ZDHHC14: variants seen among roughly 807,000 people sequenced by gnomAD.
ZDHHC14 encodes the protein zDHHC palmitoyltransferase 14, also known as palmitoyltransferase ZDHHC14.
In ZDHHC14, 16 loss-of-function variants were observed where a neutral mutation model predicts 47.7. That is an observed-to-expected ratio of 0.34 (90% CI 0.23 to 0.51). The LOEUF (loss-of-function observed/expected upper bound fraction) is 0.51. Among genes scored for constraint, ZDHHC14 ranks in the 20% least tolerant of loss-of-function variants. ZDHHC14 has a pLI of 0.97. For missense variants in ZDHHC14, 515 were observed against 662.5 expected (o/e 0.78, Z 2.44); for synonymous variants, 293 against 278.9 (o/e 1.05, Z -0.50).
intron 1 of ZDHHC14, among the ~76,000 whole-genome samples, chr6:157,488,111 C>T (rs1180618619): frequency 1.3e-5 from 2 of 152,220 alleles, no homozygotes; most frequent in African/African-American, 4.8e-5. Flanking sequence ...CGCAACCCCA[C>T]CCACATTCCG....
chr6:157,466,968 T>C (rs959680200), intron 1 of ZDHHC14, among the ~76,000 whole-genome samples: 5 of 152,256 alleles, frequency 3.3e-5, no homozygotes, highest in Non-Finnish European at 7.3e-5. Context: ...ATGGCGAGGC[T>C]CATTCTCCAG....
intron 1 of ZDHHC14, among the ~76,000 whole-genome samples, chr6:157,452,907 G>T (rs868415523): frequency 6.6e-6 from 1 of 151,946 alleles, no homozygotes; most frequent in South Asian, 2.1e-4. Context: ...GTTTCACCGT[G>T]TTGGTCAGGC....
intron 1 of ZDHHC14, among the ~76,000 whole-genome samples, chr6:157,453,365 A>G (rs1778845402): frequency 6.6e-6 from 1 of 152,236 alleles, no homozygotes; most frequent in African/African-American, 2.4e-5. Flanking sequence ...GATACTGCAC[A>G]ATAAGGCTTT....
intron 1 of ZDHHC14, among the ~76,000 whole-genome samples, chr6:157,483,620 C>T (rs1779685583): frequency 1.3e-5 from 2 of 152,132 alleles, no homozygotes; most frequent in South Asian, 2.1e-4. Context: ...CAGCTAATTC[C>T]TAGAGTCCCT....
At chr6:157,461,391 C>T (rs1246137968) in intron 1 of ZDHHC14, among the ~76,000 whole-genome samples, 3 of 152,190 alleles carry the variant, frequency 2.0e-5, no homozygotes, top group Non-Finnish European at 4.4e-5. Flanking sequence ...TTTAAAAGGA[C>T]ATCAGGATAC....
intron 2 of ZDHHC14, among the ~76,000 whole-genome samples, chr6:157,546,872 T>A (rs367965512): frequency 1.3e-5 from 2 of 152,218 alleles, no homozygotes; most frequent in East Asian, 3.8e-4. Context: ...TCCACCGTCC[T>A]GACCCGATGC....
At chr6:157,638,200 C>G (rs1206268292) in intron 5 of ZDHHC14, among the ~76,000 whole-genome samples, 6 of 152,210 alleles carry the variant, frequency 3.9e-5, no homozygotes, top group South Asian at 2.1e-4. Flanking sequence ...ACCATCAGCC[C>G]TCCCAGGGGT....
chr6:157,646,612 CAAAAA>C (rs5881225), intron 6 of ZDHHC14, among the ~76,000 whole-genome samples: 8 of 121,496 alleles, frequency 6.6e-5, no homozygotes, highest in African/African-American at 9.2e-5. Context: ...CACTCCATCT[CAAAAA>C]AAAAAAAAAA....
chr6:157,471,914 A>G (rs1779363861), intron 1 of ZDHHC14, among the ~76,000 whole-genome samples: 2 of 152,188 alleles, frequency 1.3e-5, no homozygotes, highest in Admixed American at 1.3e-4. Context: ...TGCTCAGGAC[A>G]GTGCCTGGCA....
intron 3 of ZDHHC14, among the ~76,000 whole-genome samples, chr6:157,604,016 A>G (rs950391502): frequency 1.3e-5 from 2 of 152,192 alleles, no homozygotes; most frequent in African/African-American, 4.8e-5. Flanking sequence ...ACTAAGAGAA[A>G]AAATTATGTC....
rs147344728 is a variant in ZDHHC14, at chr6:157,616,413, C to T, written c.566-11936C>T. The stretch of plus-strand genomic sequence containing the variant: ...CTTGATGACCAGAGCTTGGGACCTG[C>T]GGAAGGGGAGGGCCCGTGGGACAAT... On this transcript the variant is annotated intron_variant, in intron 3 of 8. Coordinates refer to ENST00000359775, the MANE Select transcript of ZDHHC14 (RefSeq NM_024630.3). 8.9e-3 allele frequency among the ~76,000 whole-genome samples: 1,361 copies of T among 152,252 alleles called. 28 individuals carry two copies. The highest frequency in any genetic ancestry group is 0.031 in the African/African-American group (1,287 of 41,544).
intron 2 of ZDHHC14, among the ~76,000 whole-genome samples, chr6:157,548,942 C>T (rs1013250840): frequency 6.6e-6 from 1 of 152,236 alleles, no homozygotes; most frequent in African/African-American, 2.4e-5. Context: ...GATGAAGCGT[C>T]TCTCCCCGTG....
In ZDHHC14 at chr6:157,389,315, T is replaced by C. The variant is rs569631098; in HGVS notation, c.245+7049T>C. ...TTCCTCAATCTTGCGATTAATAGTT[T>C]CCCCCTCAGACCATTGAAGAGTAAG... On this transcript the variant is annotated intron_variant, in intron 1 of 8. Transcript: ENST00000359775. Among the ~76,000 whole-genome samples, 12 of 152,278 alleles carry C rather than the reference T, an allele frequency of 7.9e-5. No homozygotes were observed. In the South Asian group the frequency reaches 1.4e-3, roughly 18 times the overall value.
At chr6:157,554,036 G>T (rs551325062) in intron 2 of ZDHHC14, among the ~76,000 whole-genome samples, 1 of 152,328 alleles carries the variant, frequency 6.6e-6, no homozygotes, top group East Asian at 1.9e-4. Context: ...GACATAGATA[G>T]ACAGAAGCGA....
At chr6:157,639,834 C>T (rs892235092) in intron 5 of ZDHHC14, among the ~76,000 whole-genome samples, 1 of 152,066 alleles carries the variant, frequency 6.6e-6, no homozygotes, top group Admixed American at 6.5e-5. Flanking sequence ...TTTGGGGAGC[C>T]GTGGTGAGTT....
chr6:157,662,988 G>A (rs1483439376), intron 8 of ZDHHC14, among the ~76,000 whole-genome samples: 4 of 152,232 alleles, frequency 2.6e-5, no homozygotes, highest in African/African-American at 4.8e-5. Flanking sequence ...GAAATGATTT[G>A]TAGGTTGGGT....
chr6:157,470,641 G>T lies in ZDHHC14; in HGVS notation c.246-71944G>T, dbSNP rs543731184. On this transcript the variant is annotated intron_variant, in intron 1 of 8. Coordinates refer to ENST00000359775, the MANE Select transcript of ZDHHC14 (RefSeq NM_024630.3). Reference sequence around the variant, plus strand: ...AATGTTCTGCAATGTTATTTATATAGTTTTAAACACTGTTATTTTACAGAT... The same window carrying T: ...AATGTTCTGCAATGTTATTTATATATTTTTAAACACTGTTATTTTACAGAT... 9.3e-4 allele frequency among the ~76,000 whole-genome samples: 141 copies of T among 152,292 alleles called. 1 individual carries two copies. The highest frequency in any genetic ancestry group is 3.0e-3 in the African/African-American group (125 of 41,564).
chr6:157,497,379 A>G (rs551109031), intron 1 of ZDHHC14, among the ~76,000 whole-genome samples: 5 of 152,354 alleles, frequency 3.3e-5, no homozygotes, highest in Admixed American at 1.3e-4. Context: ...TTCATGGATT[A>G]GGATTAAAAG....
At chr6:157,489,271 T>C (rs796890479) in intron 1 of ZDHHC14, among the ~76,000 whole-genome samples, 12 of 152,354 alleles carry the variant, frequency 7.9e-5, no homozygotes, top group African/African-American at 2.6e-4. Flanking sequence ...TAAATTGTAA[T>C]GTGAACCCGA....
Sources: allele counts gnomAD v4.1 joint callset (sites outside exome capture counted in the v4.1 genomes callset), GRCh38; gene constraint gnomAD v4.1.1; transcripts MANE v1.5; gene names NCBI Gene and HGNC (gene_info 2026-07-23, HGNC 2026-07-21).